The following ZNF331 variants were observed in gnomAD, a reference collection of about 807,000 sequenced individuals.
ZNF331 encodes the protein zinc finger protein 331.
A neutral mutation model predicts 7.0 loss-of-function variants in ZNF331; 2 were observed. That is an observed-to-expected ratio of 0.29 (90% CI 0.12 to 0.90). ZNF331 has a LOEUF of 0.90. ZNF331 is among the 40% of genes least tolerant of loss of function. ZNF331 has a pLI of 0.58. For missense variants in ZNF331, 432 were observed against 587.7 expected (o/e 0.74, Z 2.74); for synonymous variants, 196 against 205.4 (o/e 0.95, Z 0.39).
Position 53,560,134 on chromosome 19 carries a change from TATATATACACACATATATACACATCC to T in ZNF331, c.-74+4228_-74+4253del, listed in dbSNP as rs2089781149. Among the ~76,000 whole-genome samples, 1 of 145,052 alleles carries T rather than the reference TATATATACACACATATATACACATCC, an allele frequency of 6.9e-6. No individual in the cohort carries two copies. Among genetic ancestry groups the T allele is most frequent in the South Asian group, 2.1e-4 (1 of 4,676 alleles). ...TACACACACATATATACACACACCATATATATACACACATATATACACATCCACACCATATATACACACACCATACA... is the reference window on the plus strand; with the variant it reads ...TACACACACATATATACACACACCATACACCATATATACACACACCATACA... On this transcript the variant is annotated intron_variant, in intron 3 of 5. Coordinates refer to ENST00000449416, the MANE Select transcript of ZNF331 (RefSeq NM_001079906.2). This position sits in a 1 kb window ranked among gnomAD's most constrained non-coding sequence, Gnocchi z 4.3.
chr19:53,526,761 C>G (rs902632061), intron 2 of ZNF331, among the ~76,000 whole-genome samples: 1 of 150,050 alleles, frequency 6.7e-6, no homozygotes, highest in African/African-American at 2.4e-5. Flanking sequence ...ACCATATTAG[C>G]CAGGATGGTC....
the ZNF331 span, among the ~76,000 whole-genome samples, chr19:53,505,202 C>A: frequency 1.3e-5 from 2 of 152,176 alleles, no homozygotes; most frequent in Admixed American, 1.3e-4. Flanking sequence ...ACCCACACCG[C>A]ACTACAGCAG....
intron 2 of ZNF331, among the ~76,000 whole-genome samples, chr19:53,530,630 T>G (rs1600221970): frequency 6.6e-6 from 1 of 152,152 alleles, no homozygotes; most frequent in South Asian, 2.1e-4. Context: ...AAATTCACAC[T>G]CCCCTCAGAC....
At chr19:53,551,683 T>C (rs2089020412) in intron 2 of ZNF331, among the ~76,000 whole-genome samples, 1 of 152,224 alleles carries the variant, frequency 6.6e-6, no homozygotes. Flanking sequence ...CATCCTATTT[T>C]ACAGATGCTA....
At chr19:53,520,613 A>G (rs1042972706), upstream of ZNF331, among the ~76,000 whole-genome samples, 5 of 152,212 alleles carry the variant, frequency 3.3e-5, no homozygotes, top group African/African-American at 1.2e-4. Flanking sequence ...GGGAGGAGAC[A>G]CCGACGAAAA....
At chr19:53,534,205 T>C (rs971878786), upstream of ZNF331, among the ~76,000 whole-genome samples, 1 of 152,146 alleles carries the variant, frequency 6.6e-6, no homozygotes, top group Admixed American at 6.6e-5. Flanking sequence ...GAAGACTGTG[T>C]TGCTTTTTGG....
chr19:53,552,619 G>A (rs1288222296), intron 2 of ZNF331, among the ~76,000 whole-genome samples: 1 of 152,136 alleles, frequency 6.6e-6, no homozygotes, highest in African/African-American at 2.4e-5. Context: ...TGTAGTCCCA[G>A]CTCTTGGGAG....
chr19:53,506,871 C>T, the ZNF331 span, among the ~76,000 whole-genome samples: 2 of 152,102 alleles, frequency 1.3e-5, no homozygotes, highest in Non-Finnish European at 2.9e-5. Flanking sequence ...AACTCTCCTG[C>T]CATTTGCCAC....
intron 3 of ZNF331, among the ~76,000 whole-genome samples, chr19:53,568,972 T>A (rs894983106): frequency 1.3e-5 from 2 of 148,172 alleles, no homozygotes; most frequent in African/African-American, 5.0e-5. Context: ...TTCCCCTGCC[T>A]CAACCTCCCA....
intron 5 of ZNF331, among the ~76,000 whole-genome samples, chr19:53,576,207 C>T (rs1458177511): frequency 6.6e-6 from 1 of 151,844 alleles, no homozygotes; most frequent in Admixed American, 6.6e-5. Flanking sequence ...TGGTCTCGGA[C>T]TCCCGACCTC....
chr19:53,506,430 CTCTCTCTCTCTCTG>C, the ZNF331 span, among the ~76,000 whole-genome samples: 13 of 94,250 alleles, frequency 1.4e-4, no homozygotes, highest in South Asian at 4.3e-4. Context: ...CTCTCTCTCT[CTCTCTCTCTCTCTG>C]TCTCTCTCTC....
In ZNF331 at chr19:53,559,612, A is replaced by G. The variant is rs142801144; in HGVS notation, c.-74+3704A>G. Among the ~76,000 whole-genome samples the G allele has an allele frequency of 9.7e-5, 13 of 133,822 alleles. No individual in the cohort carries two copies. In the East Asian group the frequency reaches 3.6e-3, roughly 37 times the overall value. 87.8% of individuals were successfully genotyped at this position (133,822 alleles called of 152,430 possible). ...ATTCATACATGTACATACACACCCC[A>G]TATATACACACATATACACACACAT... On this transcript the variant is annotated intron_variant, in intron 3 of 5. Coordinates refer to ENST00000449416, the MANE Select transcript of ZNF331 (RefSeq NM_001079906.2).
intron 4 of ZNF331, among the ~76,000 whole-genome samples, chr19:53,570,751 C>CG (rs1568537884): frequency 6.6e-6 from 1 of 152,014 alleles, no homozygotes; most frequent in African/African-American, 2.4e-5. Flanking sequence ...AACCTGGTCT[C>CG]GAACCCCCAA....
intron 2 of ZNF331, among the ~76,000 whole-genome samples, chr19:53,525,609 A>G (rs576413989): frequency 6.6e-6 from 1 of 152,284 alleles, no homozygotes; most frequent in Admixed American, 6.5e-5. Context: ...TTGATTTTGT[A>G]AGGGATACTA....
intron 2 of ZNF331, among the ~76,000 whole-genome samples, chr19:53,529,915 T>C (rs1305595483): frequency 1.3e-5 from 2 of 152,158 alleles, no homozygotes; most frequent in Non-Finnish European, 2.9e-5. Flanking sequence ...GGGAACATCA[T>C]TCTGACAGCA....
chr19:53,569,541 C>T (rs1440567623), intron 4 of ZNF331, among the ~76,000 whole-genome samples, 156 bp downstream of exon 4: 7 of 152,200 alleles, frequency 4.6e-5, no homozygotes, highest in South Asian at 2.1e-4. Flanking sequence ...CACGTAGCTC[C>T]GTGTCTGCCT....
upstream of ZNF331, among the ~76,000 whole-genome samples, chr19:53,517,824 ACCACCAGTGGTCCAGAG>A (rs1232123753): frequency 1.3e-5 from 2 of 152,150 alleles, no homozygotes; most frequent in African/African-American, 4.8e-5. Context: ...CCCCCAGCAA[ACCACCAGTGGTCCAGAG>A]ATAACCAGGT....
chr19:53,563,035 G>T (rs16985032), intron 3 of ZNF331, among the ~76,000 whole-genome samples: 14,890 of 151,736 alleles, frequency 0.098, 1,030 homozygotes, highest in African/African-American at 0.2. Flanking sequence ...GCTAATGTTT[G>T]CAAGTTGGCA....
At chr19:53,520,842 G>A (rs2087043524), upstream of ZNF331, 1 of 151,956 alleles carries the variant, frequency 6.6e-6, no homozygotes. Context: ...TGCATGCTGG[G>A]AAATCCTGAC....
Sources: allele counts gnomAD v4.1 joint callset (sites outside exome capture counted in the v4.1 genomes callset), GRCh38; gene constraint gnomAD v4.1.1; non-coding constraint Gnocchi (gnomAD v3.1); transcripts MANE v1.5; gene names NCBI Gene and HGNC (gene_info 2026-07-23, HGNC 2026-07-21).